Variants in SOS1 observed in about 807,000 individuals in gnomAD.
The protein encoded by SOS1 is son of sevenless homolog 1.
Under a neutral mutation model 157.6 loss-of-function variants are expected in SOS1, and 25 were observed. The ratio of observed to expected loss-of-function variants is 0.16; its 90% CI spans 0.12 to 0.22. The LOEUF (loss-of-function observed/expected upper bound fraction) is 0.22. SOS1 is among the 10% of genes least tolerant of loss of function. The probability of loss-of-function intolerance (pLI) is 1.00; values close to 1 mark genes in which losing one functional copy is unlikely to be tolerated. For synonymous variants in SOS1, 528 were observed against 534.0 expected (o/e 0.99, Z 0.16); for missense variants, 1,237 against 1,599.1 (o/e 0.77, Z 3.86).
chr2:39,116,957 G>C (rs1285212305), intron 1 of SOS1, among the ~76,000 whole-genome samples: 1 of 151,442 alleles, frequency 6.6e-6, no homozygotes, highest in Non-Finnish European at 1.5e-5. Context: ...TCATAAACCA[G>C]TTGTCTCTCC....
chr2:39,042,138 G>T (rs1287510358), intron 6 of SOS1, among the ~76,000 whole-genome samples: 1 of 152,014 alleles, frequency 6.6e-6, no homozygotes, highest in Non-Finnish European at 1.5e-5. Context: ...CTTAATATGT[G>T]GCAAGACTTT....
At position 39,010,645 on chromosome 2, in the gene SOS1, T is replaced by C; in HGVS notation, c.2449A>G (p.Asn817Asp). Reference protein sequence around the residue: ...SVWTKEDKEINSPNLLKMIRH... With the variant: ...SVWTKEDKEIDSPNLLKMIRH... ...ATCATTTTCAGAAGATTAGGAGAGT[T>C]AATTTCTTTGTCTTCTTTTGTCCAC... is the stretch of plus-strand genomic sequence containing the variant. The change falls in exon 15 of 23, where the codon AAC becomes GAC. Residue 817 changes from asparagine to aspartate, a missense_variant. By Grantham distance (23) the Asn-to-Asp change is conservative. Around this residue, in one of 15 missense-constraint regions of SOS1, gnomAD observed 105 missense variants for 236.0 expected, o/e 0.44. Transcript: ENST00000402219. 1 of 1,607,418 alleles carries C rather than the reference T, an allele frequency of 6.2e-7. No homozygotes were observed. Among genetic ancestry groups the C allele is most frequent in the Non-Finnish European group, 8.5e-7 (1 of 1,173,882 alleles).
At chr2:39,044,802 C>T (rs1273218851) in intron 6 of SOS1, among the ~76,000 whole-genome samples, 1 of 151,958 alleles carries the variant, frequency 6.6e-6, no homozygotes, top group Non-Finnish European at 1.5e-5. Context: ...GCAGGGAGTC[C>T]TAGAACCAAT....
chr2:39,067,757 T>TAA lies in SOS1; in HGVS notation c.88-6_88-5dup. On this transcript the variant is annotated splice_polypyrimidine_tract_variant and splice_region_variant and intron_variant, in intron 1 of 22. Transcript: ENST00000402219. Reference sequence around the variant, plus strand: ...TAGGATGAACTTGCCCCTGGACCTATAAACAAAAAGCAAAGTAATTAAAAT... The same window carrying TAA: ...TAGGATGAACTTGCCCCTGGACCTATAAAAACAAAAAGCAAAGTAATTAAAAT... 2 of 1,611,662 alleles carry TAA rather than the reference T, an allele frequency of 1.2e-6. No individual in the cohort carries two copies. Among genetic ancestry groups the TAA allele is most frequent in the South Asian group, 2.2e-5 (2 of 91,018 alleles).
intron 6 of SOS1, among the ~76,000 whole-genome samples, chr2:39,037,911 C>A (rs768247261): frequency 1.3e-5 from 2 of 151,440 alleles, no homozygotes; most frequent in African/African-American, 4.9e-5. Context: ...TTGAGACCAA[C>A]AGCTCAGAAA....
chr2:39,081,377 G>A lies in SOS1; in HGVS notation c.88-13624C>T, dbSNP rs116017531. 6.1e-3 allele frequency among the ~76,000 whole-genome samples: 873 copies of A among 142,032 alleles called. 3 individuals carry two copies. Among genetic ancestry groups the A allele is most frequent in the Middle Eastern group, 0.014 (3 of 214 alleles). The allele number at this position is 142,032 out of a possible 152,430, so 93.2% of individuals were successfully genotyped here. On this transcript the variant is annotated intron_variant, in intron 1 of 22. Coordinates refer to ENST00000402219, the MANE Select transcript of SOS1 (RefSeq NM_005633.4). ...TCTAATAAAAATACAAAAATTAGCC[G>A]GCCATGGCAATGTGCAGCTGTAATG...
intron 19 of SOS1, among the ~76,000 whole-genome samples, chr2:38,996,140 A>C (rs1014124753): frequency 3.9e-5 from 6 of 152,040 alleles, no homozygotes; most frequent in African/African-American, 1.4e-4. Context: ...CTGGAGCTGG[A>C]TAGCCATGGC....
chr2:39,059,477 ACTTC>A (rs1671328017), intron 2 of SOS1, among the ~76,000 whole-genome samples: 1 of 152,170 alleles, frequency 6.6e-6, no homozygotes. Flanking sequence ...AATATAATTC[ACTTC>A]AAAAAGGCGC....
intron 1 of SOS1, among the ~76,000 whole-genome samples, chr2:39,079,582 C>T (rs1268656470): frequency 6.8e-6 from 1 of 147,750 alleles, no homozygotes; most frequent in African/African-American, 2.5e-5. Flanking sequence ...GCAACCTCCA[C>T]CTCCTGGGTT....
intron 8 of SOS1, among the ~76,000 whole-genome samples, chr2:39,033,088 G>A (rs563322578): frequency 2.8e-5 from 4 of 141,798 alleles, no homozygotes; most frequent in African/African-American, 1.1e-4. Context: ...TTTTTTTTTC[G>A]AGATGGAGTT....
intron 2 of SOS1, among the ~76,000 whole-genome samples, chr2:39,061,309 CTT>C (rs1671394128): frequency 6.9e-6 from 1 of 145,260 alleles, no homozygotes; most frequent in African/African-American, 2.5e-5. Flanking sequence ...GAAGGAATTA[CTT>C]TATTTCTTGT....
chr2:39,035,032 A>G (rs1657792604), intron 8 of SOS1, among the ~76,000 whole-genome samples, 180 bp downstream of exon 8: 1 of 152,200 alleles, frequency 6.6e-6, no homozygotes. Flanking sequence ...AAAATTCACT[A>G]CTAAGACGAG....
chr2:39,109,936 C>G (rs757668015), intron 1 of SOS1, among the ~76,000 whole-genome samples: 4 of 151,824 alleles, frequency 2.6e-5, no homozygotes, highest in African/African-American at 9.7e-5. Flanking sequence ...CACTACCTAA[C>G]GTCAAAACTT....
chr2:39,110,484 T>A (rs973466922), intron 1 of SOS1, among the ~76,000 whole-genome samples: 60 of 149,782 alleles, frequency 4.0e-4, no homozygotes, highest in Non-Finnish European at 7.4e-4. Context: ...GAAAAGAAAA[T>A]CTCTTCAACA....
chr2:39,120,327 GCTC>G lies in SOS1; in HGVS notation c.87+6_87+8del. ...GCGGCCGGGAAGCGGGGTCCCGCGT[GCTC>G]CTCACCTTTTTCAGCGCAGGCACCA... On this transcript the variant is annotated splice_donor_region_variant and intron_variant, in intron 1 of 22. Coordinates refer to ENST00000402219, the MANE Select transcript of SOS1 (RefSeq NM_005633.4). 1 of 1,571,626 alleles carries G rather than the reference GCTC, an allele frequency of 6.4e-7. No homozygotes were observed. The highest frequency in any genetic ancestry group is 8.6e-7 in the Non-Finnish European group (1 of 1,159,038).
Position 39,067,635 on chromosome 2 carries a change from T to C in SOS1, c.206A>G (p.Asp69Gly). ...AGACAACATTTGTCATACCTCTACATCTGAAGCACTTCGGGGCTGAGCTTG... is the reference window on the plus strand; with the variant it reads ...AGACAACATTTGTCATACCTCTACACCTGAAGCACTTCGGGGCTGAGCTTG... ...LCQAQPRSASDVEERVQKSFP... is the reference protein window; with the variant it reads ...LCQAQPRSASGVEERVQKSFP... Residue 69 changes from aspartate (D) to glycine (G), a missense_variant, in exon 2 of 23, where the codon GAT becomes GGT. By Grantham distance (94) the Asp-to-Gly change is moderately conservative (BLOSUM62 -1). This residue lies in a region of SOS1 where 99 missense variants were observed against 81.6 expected (regional missense o/e 1.21). Transcript: ENST00000402219. The C allele has an allele frequency of 1.2e-6, 2 of 1,613,412 alleles. No individual in the cohort carries two copies. Among genetic ancestry groups the C allele is most frequent in the Non-Finnish European group, 1.7e-6 (2 of 1,179,436 alleles).
chr2:39,110,589 T>G (rs2148223759), intron 1 of SOS1, among the ~76,000 whole-genome samples: 1 of 151,170 alleles, frequency 6.6e-6, no homozygotes, highest in African/African-American at 2.4e-5. Context: ...AACGGATAGT[T>G]CTGAAATAAC....
intron 15 of SOS1, 82 bp downstream of exon 15, chr2:39,010,502 A>G: frequency 7.3e-7 from 1 of 1,361,126 alleles, no homozygotes; most frequent in Non-Finnish European, 1.0e-6. Context: ...ACTCCGTCTC[A>G]AAAAAAACAA....
At chr2:38,999,408 G>A (rs894237920) in intron 17 of SOS1, among the ~76,000 whole-genome samples, 6 of 152,136 alleles carry the variant, frequency 3.9e-5, no homozygotes, top group Non-Finnish European at 7.3e-5. Context: ...CACATCCTTG[G>A]AAAGATAAAA....
Sources: gnomAD v4.1 joint callset for allele counts (sites outside exome capture counted in the v4.1 genomes callset) on GRCh38, gnomAD v4.1.1 for gene constraint, gnomAD v4.1.1 regional missense constraint, MANE v1.5 for transcripts, NCBI Gene and HGNC (gene_info 2026-07-23, HGNC 2026-07-21) for gene names.